CCDC179: variants seen among roughly 807,000 people sequenced by gnomAD.
CCDC179 encodes coiled-coil domain containing 179, also known as coiled-coil domain-containing protein 179.
CCDC179 carries 17 observed loss-of-function variants against 12.0 expected under a neutral mutation model. The ratio of observed to expected loss-of-function variants is 1.42; its 90% confidence interval spans 0.97 to 2.13. The LOEUF (loss-of-function observed/expected upper bound fraction) is 2.13, where lower values mean the gene tolerates loss of function less well. Ranked by LOEUF, CCDC179 falls within the 30% of genes most tolerant of loss-of-function variation. CCDC179 has a pLI of 0.00. For missense variants in CCDC179, 83 were observed against 78.6 expected, an observed-to-expected ratio of 1.06 and a Z score of -0.21; for synonymous variants, 27 against 26.4, an observed-to-expected ratio of 1.02 and a Z score of -0.07.
rs1179693213 is a variant in CCDC179 at position 22,857,972 on chromosome 11, G to T, written c.145C>A (p.Leu49Met). The T allele has an allele frequency of 3.9e-6, 6 of 1,529,296 alleles. No homozygotes were observed. The highest frequency in any genetic ancestry group is 4.4e-6 in the Non-Finnish European group (5 of 1,143,892). 94.7% of individuals were successfully genotyped at this position (1,529,296 alleles called of 1,614,324 possible). A position where few individuals can be genotyped will look rare whatever the true frequency, so the allele number is the denominator to read the frequency against. ...GAAGGCCTTGAAAACCTTTTATTCA[G>T]TCTCCTCTTCTCTTTCTTTAGGTGT... is the stretch of plus-strand genomic sequence containing the variant. ...MQHLKKEKRR[L>M]NKRFSRPSPI... Residue 49 changes from leucine (L) to methionine (M), a missense_variant, in exon 3 of 4, where the codon CTG (leucine) becomes ATG (methionine). Coordinates refer to ENST00000532798, the MANE Select transcript of CCDC179 (RefSeq NM_001195637.2).
At chr11:22,850,953 T>C (rs1418855880) in intron 3 of CCDC179, among the ~76,000 whole-genome samples, 1 of 8,298 alleles carries the variant, frequency 1.2e-4, no homozygotes, top group Non-Finnish European at 5.3e-4. Flanking sequence ...TATATATATA[T>C]ATATATATAT....
intron 2 of CCDC179, among the ~76,000 whole-genome samples, chr11:22,858,916 T>C (rs1441956671): frequency 6.6e-6 from 1 of 152,144 alleles, no homozygotes; most frequent in African/African-American, 2.4e-5. Flanking sequence ...TACAGCAATG[T>C]AGATAAATCT....
chr11:22,848,435 CTG>C (rs997727675), intron 3 of CCDC179, among the ~76,000 whole-genome samples: 6 of 151,538 alleles, frequency 4.0e-5, no homozygotes, highest in South Asian at 2.1e-4. Flanking sequence ...CAGAGGGAGA[CTG>C]TGTCTCAAAA....
At chr11:22,856,366 A>G (rs1329273494) in intron 3 of CCDC179, among the ~76,000 whole-genome samples, 1 of 151,544 alleles carries the variant, frequency 6.6e-6, no homozygotes, top group African/African-American at 2.4e-5. Flanking sequence ...ACATCTTAAA[A>G]TTATTTAATG....
At chr11:22,859,211 T>G (rs566720026) in intron 2 of CCDC179, among the ~76,000 whole-genome samples, 1 of 152,294 alleles carries the variant, frequency 6.6e-6, no homozygotes, top group African/African-American at 2.4e-5. Context: ...TTATAAATTA[T>G]ATCTGCCACA....
Position 22,851,087 on chromosome 11 carries a change from G to A in CCDC179, c.196-3566C>T, listed in dbSNP as rs184883596. Among the ~76,000 whole-genome samples, 176 of 146,212 alleles carry A rather than the reference G, an allele frequency of 1.2e-3. 1 individual carries two copies. In the East Asian group the frequency reaches 0.017, roughly 14 times the overall value. On this transcript the variant is annotated intron_variant, in intron 3 of 3. Transcript: ENST00000532798. ...TGCAAGCTCCACCTCCCAGGTTCAC[G>A]CCATTCTCCTGTGCATAGGCATATT...
At chr11:22,848,492 T>A (rs968760330) in intron 3 of CCDC179, among the ~76,000 whole-genome samples, 1 of 152,160 alleles carries the variant, frequency 6.6e-6, no homozygotes, top group Non-Finnish European at 1.5e-5. Context: ...CAAAAATATT[T>A]TTTCAAACTT....
chr11:22,849,533 A>G (rs536153938), intron 3 of CCDC179, among the ~76,000 whole-genome samples: 17 of 152,202 alleles, frequency 1.1e-4, no homozygotes, highest in Admixed American at 2.6e-4. Flanking sequence ...TTTTATTTCA[A>G]TTGTTTTTGG....
chr11:22,849,915 T>G (rs2134827621), intron 3 of CCDC179, among the ~76,000 whole-genome samples: 1 of 152,176 alleles, frequency 6.6e-6, no homozygotes, highest in African/African-American at 2.4e-5. Context: ...AGAGAGGAGA[T>G]TCCTGAGAGG....
chr11:22,855,109 C>A (rs1858503432), intron 3 of CCDC179, among the ~76,000 whole-genome samples: 1 of 151,670 alleles, frequency 6.6e-6, no homozygotes, highest in South Asian at 2.1e-4. Flanking sequence ...GCTATCATAG[C>A]TGGAAATGTC....
At chr11:22,852,276 T>C (rs1247955208) in intron 3 of CCDC179, among the ~76,000 whole-genome samples, 1 of 152,186 alleles carries the variant, frequency 6.6e-6, no homozygotes, top group Non-Finnish European at 1.5e-5. Context: ...TTCCAGGGCA[T>C]GGACAAAGCT....
At chr11:22,848,527 C>T (rs754775113) in intron 3 of CCDC179, among the ~76,000 whole-genome samples, 3 of 152,124 alleles carry the variant, frequency 2.0e-5, no homozygotes, top group Non-Finnish European at 4.4e-5. Flanking sequence ...GTTCTAACTT[C>T]ATCGCACGTC....
chr11:22,858,299 A>G (rs1858576477), intron 2 of CCDC179: 1 of 235,918 alleles, frequency 4.2e-6, no homozygotes, highest in Non-Finnish European at 8.1e-6. Flanking sequence ...GTAGATCCAG[A>G]CTCATGGATT....
intron 3 of CCDC179, among the ~76,000 whole-genome samples, chr11:22,849,900 G>A (rs1858330663): frequency 6.6e-6 from 1 of 152,156 alleles, no homozygotes; most frequent in African/African-American, 2.4e-5. Flanking sequence ...TCTCTCTCTA[G>A]TGAGAGAGAG....
intron 3 of CCDC179, among the ~76,000 whole-genome samples, chr11:22,856,498 G>GA (rs1858532461): frequency 6.6e-6 from 1 of 151,398 alleles, no homozygotes; most frequent in African/African-American, 2.4e-5. Flanking sequence ...TAGGTGTAGA[G>GA]AGGGATGTCT....
At chr11:22,854,123 G>A (rs1008458864) in intron 3 of CCDC179, among the ~76,000 whole-genome samples, 4 of 151,742 alleles carry the variant, frequency 2.6e-5, no homozygotes, top group African/African-American at 4.8e-5. Flanking sequence ...AAGTGAAAGA[G>A]AACAAAAGAC....
intron 3 of CCDC179, among the ~76,000 whole-genome samples, chr11:22,855,193 CATCA>C (rs1301914726): frequency 1.3e-5 from 2 of 151,600 alleles, no homozygotes; most frequent in African/African-American, 2.4e-5. Context: ...TGAACAGCAC[CATCA>C]GTCAGTTGGA....
At chr11:22,852,643 T>G (rs751910114) in intron 3 of CCDC179, among the ~76,000 whole-genome samples, 1 of 152,168 alleles carries the variant, frequency 6.6e-6, no homozygotes, top group Non-Finnish European at 1.5e-5. Flanking sequence ...CATACCCCTG[T>G]GATTTCATTC....
rs1426613825 is a variant in CCDC179, at chr11:22,860,411, T to C, written c.11A>G (p.Tyr4Cys). ...TTGGGAAGGCTCGATGTCCCAGCAA[T>C]ACAGGCACATGCCGTGGAGCCTTAG... MCL[Y>C]CWDIEPSQVN... The change falls in exon 1 of 4, where the codon TAT becomes TGT. Residue 4 changes from tyrosine to cysteine, a missense_variant. Tyr to Cys is a radical substitution (Grantham distance 194). Transcript: ENST00000532798. The C allele has an allele frequency of 2.0e-6, 3 of 1,535,500 alleles. No individual in the cohort carries two copies. The highest frequency in any genetic ancestry group is 2.6e-6 in the Non-Finnish European group (3 of 1,146,606).
Sources: gnomAD v4.1 joint callset for allele counts (sites outside exome capture counted in the v4.1 genomes callset) on GRCh38, gnomAD v4.1.1 for gene constraint, MANE v1.5 for transcripts, NCBI Gene and HGNC (gene_info 2026-07-23, HGNC 2026-07-21) for gene names.